Variants in TM9SF2 observed in about 807,000 individuals in gnomAD.
TM9SF2 encodes the protein transmembrane 9 superfamily member 2.
A neutral mutation model predicts 84.9 loss-of-function variants in TM9SF2; 13 were observed. That is an observed-to-expected ratio of 0.15 (90% CI 0.10 to 0.24). The LOEUF (loss-of-function observed/expected upper bound fraction) is 0.24, where lower values mean the gene tolerates loss of function less well. TM9SF2 is among the 10% of genes least tolerant of loss of function. The pLI is 1.00. For missense variants in TM9SF2, 562 were observed against 818.5 expected (o/e 0.69, Z 3.82); for synonymous variants, 273 against 285.8 (o/e 0.96, Z 0.45).
At chr13:99,562,566 C>T in intron 16 of TM9SF2, 125 bp from the exon 17 acceptor site, 1 of 753,716 alleles carries the variant, frequency 1.3e-6, no homozygotes, top group Non-Finnish European at 2.1e-6. Context: ...GTAGTATATT[C>T]CCGGTGGGTA....
chr13:99,547,212 T>C (rs2046286573), intron 11 of TM9SF2, 108 bp downstream of exon 11: 2 of 1,494,982 alleles, frequency 1.3e-6, no homozygotes, highest in Admixed American at 1.9e-5. Context: ...GTGTGCCTCA[T>C]AGGGGTCTGT....
intron 1 of TM9SF2, among the ~76,000 whole-genome samples, chr13:99,512,583 A>G (rs61972539): frequency 0.032 from 4,830 of 152,320 alleles, 110 homozygotes; most frequent in Middle Eastern, 0.11. Flanking sequence ...CTGAAATGGA[A>G]TAAGAGTGAT....
chr13:99,559,681 C>A, intron 16 of TM9SF2, 147 bp downstream of exon 16: 1 of 716,770 alleles, frequency 1.4e-6, no homozygotes, highest in Non-Finnish European at 2.2e-6. Context: ...ATAGTTGGGT[C>A]TGCCCACCTG....
chr13:99,548,101 C>G (rs1385028142), intron 11 of TM9SF2, among the ~76,000 whole-genome samples: 1 of 151,622 alleles, frequency 6.6e-6, no homozygotes, highest in East Asian at 1.9e-4. Flanking sequence ...CTTTGCCTGC[C>G]ACACCAGCCT....
At chr13:99,507,478 G>A (rs1460771291) in intron 1 of TM9SF2, among the ~76,000 whole-genome samples, 1 of 152,110 alleles carries the variant, frequency 6.6e-6, no homozygotes, top group African/African-American at 2.4e-5. Context: ...TAAGTAGTCA[G>A]GTTTTATATT....
intron 7 of TM9SF2, among the ~76,000 whole-genome samples, chr13:99,540,211 T>C (rs1259330267): frequency 6.6e-6 from 1 of 152,164 alleles, no homozygotes; most frequent in Non-Finnish European, 1.5e-5. Context: ...TTTAAAACTT[T>C]TGGCAATCCA....
intron 10 of TM9SF2, among the ~76,000 whole-genome samples, chr13:99,546,172 TC>T (rs2046281612): frequency 6.6e-6 from 1 of 152,150 alleles, no homozygotes. Context: ...GCGTGCTTGC[TC>T]ACATACGTGC....
chr13:99,536,860 C>A, intron 5 of TM9SF2, 123 bp downstream of exon 5: 2 of 1,002,676 alleles, frequency 2.0e-6, no homozygotes, highest in Non-Finnish European at 2.8e-6. Context: ...TTCTGAAGTA[C>A]AACTACTTCA....
rs386380419 is a variant in TM9SF2, at chr13:99,503,709, C to CAAA, written c.171+1953_171+1955dup. ...TGGGCAACAGAGCGAGACTTTGTCTCAAAAAAAAAAAAAAAAAAAAAAAGA... is the reference window on the plus strand; with the variant it reads ...TGGGCAACAGAGCGAGACTTTGTCTCAAAAAAAAAAAAAAAAAAAAAAAAAAGA... On this transcript the variant is annotated intron_variant, in intron 1 of 16. Coordinates refer to ENST00000376387, the MANE Select transcript of TM9SF2 (RefSeq NM_004800.3). Among the ~76,000 whole-genome samples the CAAA allele has an allele frequency of 9.0e-3, 696 of 77,468 alleles. 17 individuals are homozygous for CAAA. Among genetic ancestry groups the CAAA allele is most frequent in the Non-Finnish European group, 0.013 (505 of 38,590 alleles). 50.8% of individuals were successfully genotyped at this position (77,468 alleles called of 152,430 possible). A position where few individuals can be genotyped will look rare whatever the true frequency, so the allele number is the denominator to read the frequency against.
rs770980703 is a variant in TM9SF2, at chr13:99,541,681, TTTTAGTC to T, written c.1017+23_1017+29del. The T allele has an allele frequency of 3.2e-6, 5 of 1,557,060 alleles. No individual in the cohort carries two copies. The highest frequency in any genetic ancestry group is 3.5e-6 in the Non-Finnish European group (4 of 1,134,242). Reference sequence around the variant, plus strand: ...ATGGACTCTACGGTAAGTGGAAACATTTTAGTCTTTAGTCTGCCAAGGACACTGTTTA... The same window carrying T: ...ATGGACTCTACGGTAAGTGGAAACATTTTAGTCTGCCAAGGACACTGTTTA... On this transcript the variant is annotated intron_variant, in intron 9 of 16. Coordinates refer to ENST00000376387, the MANE Select transcript of TM9SF2 (RefSeq NM_004800.3).
At position 99,536,755 on chromosome 13, in the gene TM9SF2, TC is replaced by T. The variant is rs2046236304; in HGVS notation, c.591+19del. The T allele has an allele frequency of 6.2e-7, 1 of 1,609,174 alleles. No homozygotes were observed. On this transcript the variant is annotated intron_variant, in intron 5 of 16. Coordinates refer to ENST00000376387, the MANE Select transcript of TM9SF2 (RefSeq NM_004800.3). ...TTATTAGTGTAAGTTCATGATAAAC[TC>T]TTTGCTGCTTTTTAAAACATGGCTT...
chr13:99,501,481 G>A lies in TM9SF2; in HGVS notation c.-126G>A, dbSNP rs2046064537. 3 of 1,268,670 alleles carry A rather than the reference G, an allele frequency of 2.4e-6. No homozygotes were observed. Among genetic ancestry groups the A allele is most frequent in the East Asian group, 2.5e-5 (1 of 39,764 alleles). 78.6% of individuals were successfully genotyped at this position (1,268,670 alleles called of 1,614,324 possible). ...ACCCGGGGTGTCTCCTAGCGCAACC[G>A]GAACTAGCCTTCTGGGGGCCGGCTT... is the stretch of plus-strand genomic sequence containing the variant. On this transcript the variant is annotated 5_prime_UTR_variant, in exon 1 of 17. Transcript: ENST00000376387.
intron 1 of TM9SF2, among the ~76,000 whole-genome samples, chr13:99,514,597 C>T (rs1242979264): frequency 6.6e-6 from 1 of 152,200 alleles, no homozygotes; most frequent in East Asian, 1.9e-4. Context: ...ACATCCCTGT[C>T]GTTAAGTGAC....
chr13:99,535,133 C>G (rs963870344), intron 4 of TM9SF2, among the ~76,000 whole-genome samples: 23 of 152,036 alleles, frequency 1.5e-4, no homozygotes, highest in African/African-American at 4.8e-4. Context: ...GCCTGGGTGA[C>G]AGAGCAAGAC....
Position 99,543,880 on chromosome 13 carries a change from A to G in TM9SF2, c.1035A>G (p.Glu345=). The G allele has an allele frequency of 1.2e-6, 2 of 1,614,100 alleles. No individual in the cohort carries two copies. The highest frequency in any genetic ancestry group is 1.7e-6 in the Non-Finnish European group (2 of 1,179,984). Residue 345 remains glutamate, a synonymous_variant, in exon 10 of 17, where the codon GAA becomes GAG. Coordinates refer to ENST00000376387, the MANE Select transcript of TM9SF2 (RefSeq NM_004800.3). Reference sequence around the variant, plus strand: ...CCTTTTAGGAAGATGCCCAGGAAGAATTTGGCTGGAAACTTGTTCATGGTG... The same window carrying G: ...CCTTTTAGGAAGATGCCCAGGAAGAGTTTGGCTGGAAACTTGTTCATGGTG... ...QMDSTEDAQE[E]FGWKLVHGDI...
chr13:99,536,462 C>T, intron 4 of TM9SF2, 146 bp from the exon 5 acceptor site: 1 of 962,070 alleles, frequency 1.0e-6, no homozygotes, highest in Non-Finnish European at 1.5e-6. Context: ...TGAAATAGCA[C>T]ATTTCATTAA....
intron 3 of TM9SF2, among the ~76,000 whole-genome samples, chr13:99,522,031 T>A (rs9557249): frequency 6.6e-6 from 1 of 152,158 alleles, no homozygotes; most frequent in Non-Finnish European, 1.5e-5. Flanking sequence ...ACTTTTTTTT[T>A]CTTTTTCGAG....
chr13:99,540,192 A>G (rs1594056442), intron 7 of TM9SF2, among the ~76,000 whole-genome samples: 2 of 151,992 alleles, frequency 1.3e-5, no homozygotes, highest in African/African-American at 4.8e-5. Context: ...CAGTGTTCCA[A>G]CTCTATTTTT....
intron 14 of TM9SF2, 132 bp downstream of exon 14, chr13:99,554,587 C>A: frequency 3.1e-6 from 3 of 956,108 alleles, no homozygotes; most frequent in Non-Finnish European, 3.0e-6. Context: ...ATCTTAAAAG[C>A]CAAAAGCTTA....
Sources: gnomAD v4.1 joint callset for allele counts (sites outside exome capture counted in the v4.1 genomes callset) on GRCh38, gnomAD v4.1.1 for gene constraint, MANE v1.5 for transcripts, NCBI Gene and HGNC (gene_info 2026-07-23, HGNC 2026-07-21) for gene names.